Variants in ZNF536 observed in about 807,000 individuals in gnomAD.
ZNF536 encodes zinc finger protein 536.
In ZNF536, 13 loss-of-function variants were observed where a neutral mutation model predicts 84.5. The observed-to-expected ratio is 0.15, with a 90% CI of 0.10 to 0.24. ZNF536 has a LOEUF of 0.24. Ranked by LOEUF, ZNF536 falls within the 10% of genes least tolerant of loss-of-function variation. The probability of loss-of-function intolerance (pLI) is 1.00; values close to 1 mark genes in which losing one functional copy is unlikely to be tolerated. For missense variants in ZNF536, 1,536 were observed against 1,747.5 expected, an observed-to-expected ratio of 0.88 and a Z score of 2.16; for synonymous variants, 811 against 742.5, an observed-to-expected ratio of 1.09 and a Z score of -1.50.
intron 1 of ZNF536, among the ~76,000 whole-genome samples, chr19:30,609,729 TCCAC>T (rs2048021478): frequency 2.0e-5 from 3 of 151,944 alleles, no homozygotes; most frequent in African/African-American, 7.3e-5. Flanking sequence ...CATCCATCCA[TCCAC>T]CCATCCATCC....
chr19:30,347,129 C>T (rs8108737), intron 2 of ZNF536, among the ~76,000 whole-genome samples: 11 of 148,570 alleles, frequency 7.4e-5, no homozygotes, highest in African/African-American at 9.9e-5. Context: ...TTATATGATT[C>T]TTGGCCGCAT....
chr19:30,615,383 ATTC>A (rs2048255141), intron 1 of ZNF536, among the ~76,000 whole-genome samples: 1 of 152,162 alleles, frequency 6.6e-6, no homozygotes. Context: ...TTATTAAATA[ATTC>A]TTCTTTATCC....
chr19:30,579,168 T>G (rs1187996301), intron 1 of ZNF536, among the ~76,000 whole-genome samples: 1 of 152,204 alleles, frequency 6.6e-6, no homozygotes, highest in Non-Finnish European at 1.5e-5. Context: ...CTTTGGAGTG[T>G]AAGAGAGTTT....
At chr19:30,523,295 T>C (rs947620295) in intron 2 of ZNF536, among the ~76,000 whole-genome samples, 1 of 152,230 alleles carries the variant, frequency 6.6e-6, no homozygotes, top group Non-Finnish European at 1.5e-5. Flanking sequence ...CCACTATTAA[T>C]TGGAGCATAA....
rs544729138 is a variant in ZNF536, at chr19:30,248,231, T to G, written c.-190+19558T>G. ...TTTCTTTTTCTTTTCTTTCTTTTTTTTTTTTTTTGCGACAGAGTCTTTCTC... is the reference window on the plus strand; with the variant it reads ...TTTCTTTTTCTTTTCTTTCTTTTTTGTTTTTTTTGCGACAGAGTCTTTCTC... On this transcript the variant is annotated intron_variant, in intron 1 of 5. Transcript: ENST00000585628. Among the ~76,000 whole-genome samples, 12 of 149,818 alleles carry G rather than the reference T, an allele frequency of 8.0e-5. No individual in the cohort carries two copies. The South Asian group carries it at 2.0e-3, about 24-fold the overall frequency.
chr19:30,512,554 T>C (rs2055457770), intron 2 of ZNF536, among the ~76,000 whole-genome samples: 1 of 152,050 alleles, frequency 6.6e-6, no homozygotes, highest in African/African-American at 2.4e-5. Context: ...TCAAATATTT[T>C]CTTTGGGTCA....
At chr19:30,470,303 A>G (rs2053579914) in intron 2 of ZNF536, among the ~76,000 whole-genome samples, 1 of 152,166 alleles carries the variant, frequency 6.6e-6, no homozygotes, top group African/African-American at 2.4e-5. Flanking sequence ...CTTATACTCC[A>G]TGCCCAGCTT....
chr19:30,278,308 G>A (rs1224898100), intron 1 of ZNF536, among the ~76,000 whole-genome samples: 1 of 152,198 alleles, frequency 6.6e-6, no homozygotes, highest in Admixed American at 6.5e-5. Context: ...GCTCGTTTGA[G>A]TGGTTTCCAC....
Position 30,536,443 on chromosome 19 carries a change from G to A in ZNF536, c.2323+1444G>A, listed in dbSNP as rs534359977. 1.1e-4 allele frequency among the ~76,000 whole-genome samples: 17 copies of A among 152,220 alleles called. No homozygotes were observed. In the South Asian group the frequency reaches 2.7e-3, roughly 24 times the overall value. Reference sequence around the variant, plus strand: ...ACTTAACAATTTCAGAAATGACCCTGTTGGGCTCCATCGCTTATTTGTCTC... The same window carrying A: ...ACTTAACAATTTCAGAAATGACCCTATTGGGCTCCATCGCTTATTTGTCTC... On this transcript the variant is annotated intron_variant, in intron 3 of 4. Transcript: ENST00000355537.
chr19:30,463,598 A>G (rs942505129), intron 2 of ZNF536, among the ~76,000 whole-genome samples: 3 of 152,224 alleles, frequency 2.0e-5, no homozygotes, highest in African/African-American at 4.8e-5. Context: ...GGCATAGAGC[A>G]CAGCAGATGT....
At chr19:30,449,913 G>T (rs760752732) in intron 2 of ZNF536, among the ~76,000 whole-genome samples, 4 of 152,060 alleles carry the variant, frequency 2.6e-5, no homozygotes, top group Non-Finnish European at 5.9e-5. Flanking sequence ...TGATATGATA[G>T]ATTTTCTTTC....
chr19:30,225,944 G>A (rs1385452040), upstream of ZNF536, among the ~76,000 whole-genome samples: 1 of 138,828 alleles, frequency 7.2e-6, no homozygotes, highest in African/African-American at 2.6e-5. Context: ...CAGCGGGTGG[G>A]GGGTGGGGGG....
chr19:30,225,734 G>A (rs1461830503), upstream of ZNF536, among the ~76,000 whole-genome samples: 5 of 144,836 alleles, frequency 3.5e-5, no homozygotes, highest in Admixed American at 1.3e-4. Context: ...GCGCGGCGCG[G>A]GGGGGCGGCG....
chr19:30,654,055 A>G (rs2049810511), intron 1 of ZNF536, among the ~76,000 whole-genome samples: 1 of 152,162 alleles, frequency 6.6e-6, no homozygotes, highest in East Asian at 1.9e-4. Context: ...AAGCCACTAG[A>G]GAGGGTGCAA....
rs140279312 is a variant in ZNF536, at chr19:30,613,277, A to C, written c.169+63763A>C. On this transcript the variant is annotated intron_variant, in intron 1 of 1. Transcript: ENST00000592773. Reference sequence around the variant, plus strand: ...AAGCATCGTGTGGGCAGATACTCTGAGACAACACGGGTCCTTTTTCTTTTC... The same window carrying C: ...AAGCATCGTGTGGGCAGATACTCTGCGACAACACGGGTCCTTTTTCTTTTC... Among the ~76,000 whole-genome samples the C allele has an allele frequency of 1.1e-4, 17 of 152,288 alleles. No individual in the cohort carries two copies. The East Asian group carries it at 3.3e-3, about 29-fold the overall frequency.
intron 1 of ZNF536, among the ~76,000 whole-genome samples, chr19:30,619,940 T>C (rs552722529): frequency 1.6e-4 from 25 of 152,180 alleles, no homozygotes; most frequent in Non-Finnish European, 2.9e-4. Flanking sequence ...TATTGGGCTA[T>C]TCTGCTTTCA....
rs184358107 is a variant in ZNF536 at position 30,548,527 on chromosome 19, A to G, written c.2908A>G (p.Lys970Glu). The stretch of plus-strand genomic sequence containing the variant: ...CAAGTCCTCCCAGAGGAAGTCCGAG[A>G]AATCTCAGTATGAACCCCTGGACTT... ...SGKSSQRKSEKSQYEPLDLSV... is the reference protein window; with the variant it reads ...SGKSSQRKSEESQYEPLDLSV... The change falls in exon 4 of 5, where the codon AAA becomes GAA. Residue 970 changes from lysine (K) to glutamate (E), a missense_variant. Lys to Glu is a moderately conservative substitution (Grantham distance 56). This residue lies in a region of ZNF536 where 624 missense variants were observed against 603.1 expected (regional missense o/e 1.03). Coordinates refer to ENST00000355537, the MANE Select transcript of ZNF536 (RefSeq NM_014717.3). 6.2e-7 allele frequency: 1 copy of G among 1,614,120 alleles called. No homozygotes were observed. Among genetic ancestry groups the G allele is most frequent in the Non-Finnish European group, 8.5e-7 (1 of 1,180,030 alleles).
At chr19:30,277,604 G>A (rs1234387116) in intron 1 of ZNF536, among the ~76,000 whole-genome samples, 1 of 152,212 alleles carries the variant, frequency 6.6e-6, no homozygotes, top group East Asian at 1.9e-4. Context: ...CTGTGTCAGG[G>A]TGGCAACTGC....
At chr19:30,706,412 G>A (rs894532612) in intron 1 of ZNF536, among the ~76,000 whole-genome samples, 12 of 149,630 alleles carry the variant, frequency 8.0e-5, no homozygotes, top group Admixed American at 2.0e-4. Context: ...GTGTGAACCC[G>A]GGAGGCAGAG....
Sources: gnomAD v4.1 joint callset for allele counts (sites outside exome capture counted in the v4.1 genomes callset) on GRCh38, gnomAD v4.1.1 for gene constraint, gnomAD v4.1.1 regional missense constraint, MANE v1.5 for transcripts, NCBI Gene and HGNC (gene_info 2026-07-23, HGNC 2026-07-21) for gene names.